The following GPRASP3 variants were observed in gnomAD, a reference collection of about 807,000 sequenced individuals.
GPRASP3 encodes G protein-coupled receptor associated sorting protein 3.
At chrX:102,732,074 G>A in the GPRASP3 span, among the ~76,000 whole-genome samples, 2 of 111,857 alleles carry the variant, frequency 1.8e-5, no homozygotes, top group Non-Finnish European at 3.8e-5. Flanking sequence ...GGATAATTGC[G>A]GAACCATCAC....
chrX:102,745,615 G>T, the GPRASP3 span, among the ~76,000 whole-genome samples: 2 of 111,145 alleles, frequency 1.8e-5, no homozygotes, highest in African/African-American at 6.6e-5. Context: ...CTGGGGAGAG[G>T]GAAGGGGCAG....
At chrX:102,726,709 C>T in the GPRASP3 span, among the ~76,000 whole-genome samples, 1 of 112,627 alleles carries the variant, frequency 8.9e-6, no homozygotes, top group African/African-American at 3.2e-5. Flanking sequence ...AATATCAGCA[C>T]AGTCCCCTGA....
chrX:102,751,949 ATTT>A, the GPRASP3 span: 278 of 92,639 alleles, frequency 3.0e-3, no homozygotes, highest in African/African-American at 9.5e-3. Flanking sequence ...TCATACCTTA[ATTT>A]TTTTTTTTTT....
chrX:102,744,994 A>T, the GPRASP3 span, among the ~76,000 whole-genome samples: 18 of 111,386 alleles, frequency 1.6e-4, no homozygotes, highest in Admixed American at 1.5e-3. Flanking sequence ...AGAGTAAAAA[A>T]ATATATATAT....
chrX:102,749,631 G>A, the GPRASP3 span: 2 of 1,211,623 alleles, frequency 1.7e-6, no homozygotes, highest in Non-Finnish European at 2.2e-6. Flanking sequence ...ATAGGCCCAA[G>A]GACTGGTCTG....
chrX:102,749,910 T>C, the GPRASP3 span: 1 of 1,207,201 alleles, frequency 8.3e-7, no homozygotes, highest in African/African-American at 1.8e-5. Flanking sequence ...GGGAGGTAAA[T>C]GGGATTAAGC....
At chrX:102,721,025 G>A in the GPRASP3 span, 1 of 112,113 alleles carries the variant, frequency 8.9e-6, no homozygotes, top group Non-Finnish European at 1.9e-5. Flanking sequence ...GCTGTTGGAG[G>A]AGGTGGGTGC....
the GPRASP3 span, chrX:102,749,025 C>G: frequency 8.3e-7 from 1 of 1,209,603 alleles, no homozygotes. Context: ...AGACAAGAGC[C>G]CAGGCCAAAA....
chrX:102,745,912 A>C, the GPRASP3 span: 1 of 110,666 alleles, frequency 9.0e-6, no homozygotes, highest in Admixed American at 9.4e-5. Context: ...TCTGGGTCGG[A>C]ACTAAGGTGG....
the GPRASP3 span, among the ~76,000 whole-genome samples, chrX:102,730,435 G>C: frequency 1.8e-5 from 2 of 112,357 alleles, no homozygotes; most frequent in Non-Finnish European, 3.8e-5. Flanking sequence ...CTAGGGGCTG[G>C]GGACTCCTGA....
chrX:102,750,592 C>T, the GPRASP3 span: 1 of 1,179,921 alleles, frequency 8.5e-7, no homozygotes, highest in Non-Finnish European at 1.1e-6. Flanking sequence ...TTATAATACA[C>T]TCATGGCCAT....
chrX:102,749,143 T>A, the GPRASP3 span: 1 of 1,211,629 alleles, frequency 8.3e-7, no homozygotes, highest in Non-Finnish European at 1.1e-6. Flanking sequence ...CAAGACAGGG[T>A]CTAAGACAGA....
At chrX:102,731,647 C>T in the GPRASP3 span, among the ~76,000 whole-genome samples, 5 of 110,171 alleles carry the variant, frequency 4.5e-5, no homozygotes, top group African/African-American at 1.3e-4. Context: ...AAAAAAAAGG[C>T]TTCAGAACAG....
chrX:102,737,903 C>T, the GPRASP3 span, among the ~76,000 whole-genome samples: 2 of 111,104 alleles, frequency 1.8e-5, no homozygotes, highest in East Asian at 2.8e-4. Flanking sequence ...TTACCAGGGA[C>T]CGGTGGGTGA....
chrX:102,750,838 G>A, the GPRASP3 span: 1 of 315,858 alleles, frequency 3.2e-6, no homozygotes, highest in Non-Finnish European at 5.6e-6. Context: ...GTCTAGATTG[G>A]CATATTTTTA....
At chrX:102,735,126 C>T in the GPRASP3 span, among the ~76,000 whole-genome samples, 16 of 111,984 alleles carry the variant, frequency 1.4e-4, no homozygotes, top group African/African-American at 3.2e-4. Flanking sequence ...TAATATTACA[C>T]GAAAATCTTG....
chrX:102,750,103 A>G, the GPRASP3 span: 2 of 1,211,227 alleles, frequency 1.7e-6, no homozygotes, highest in Non-Finnish European at 2.2e-6. Context: ...AGTGACACTT[A>G]TTGAAAGCTT....
chrX:102,735,403 CTTT>C, the GPRASP3 span, among the ~76,000 whole-genome samples: 1 of 94,488 alleles, frequency 1.1e-5, no homozygotes. Context: ...CACAGAATCT[CTTT>C]TTTTTTTTTT....
the GPRASP3 span, among the ~76,000 whole-genome samples, chrX:102,726,675 C>T: frequency 1.8e-5 from 2 of 112,198 alleles, no homozygotes; most frequent in East Asian, 2.8e-4. Context: ...TTCTAACTGT[C>T]GACACTGTAA....
Sources: allele counts gnomAD v4.1 joint callset (sites outside exome capture counted in the v4.1 genomes callset), GRCh38; gene constraint gnomAD v4.1.1; transcripts MANE v1.5; gene names NCBI Gene and HGNC (gene_info 2026-07-23, HGNC 2026-07-21).